CHST15: variants seen among roughly 807,000 people sequenced by gnomAD.
CHST15 encodes the protein carbohydrate sulfotransferase 15, also known as B cell RAG associated protein (GALNAC4S-6ST).
CHST15 carries 30 observed loss-of-function variants against 53.6 expected under a neutral mutation model. That is an observed-to-expected ratio of 0.56 (90% confidence interval 0.42 to 0.76). The LOEUF (loss-of-function observed/expected upper bound fraction) is 0.76, where lower values mean the gene tolerates loss of function less well. Ranked by LOEUF, CHST15 falls within the 30% of genes least tolerant of loss-of-function variation. The probability of loss-of-function intolerance (pLI) is 0.00; values close to 1 mark genes in which losing one functional copy is unlikely to be tolerated. For synonymous variants in CHST15, 296 were observed against 289.8 expected (o/e 1.02, Z -0.22); for missense variants, 627 against 740.5 (o/e 0.85, Z 1.78).
chr10:124,088,168 G>A (rs1949492050), intron 1 of CHST15, among the ~76,000 whole-genome samples: 1 of 152,208 alleles, frequency 6.6e-6, no homozygotes, highest in African/African-American at 2.4e-5. Flanking sequence ...TATTAACTCT[G>A]AAAAGACACC....
chr10:124,063,241 G>A (rs915582721), intron 1 of CHST15, among the ~76,000 whole-genome samples: 37 of 152,066 alleles, frequency 2.4e-4, no homozygotes, highest in African/African-American at 8.9e-4. Flanking sequence ...AAATTAGCCG[G>A]GCGTGGTGGC....
intron 7 of CHST15, chr10:124,010,601 G>A: frequency 2.0e-6 from 2 of 985,428 alleles, no homozygotes; most frequent in Non-Finnish European, 2.4e-6. Context: ...ATTTAATGAT[G>A]ATACAGCGTC....
chr10:124,042,180 A>C, intron 4 of CHST15, 121 bp downstream of exon 4: 1 of 977,364 alleles, frequency 1.0e-6, no homozygotes, highest in Non-Finnish European at 1.5e-6. Context: ...GGAGGCTCAA[A>C]AGAAGTTTGC....
intron 1 of CHST15, among the ~76,000 whole-genome samples, chr10:124,071,970 C>T (rs909952095): frequency 3.3e-5 from 5 of 152,172 alleles, no homozygotes; most frequent in Admixed American, 2.0e-4. Flanking sequence ...TCAGGCCAGG[C>T]GCTCCTGGAG....
chr10:124,008,488 G>A lies in CHST15; in HGVS notation c.*1661C>T. 1 of 994,026 alleles carries A rather than the reference G, an allele frequency of 1.0e-6. No homozygotes were observed. Among genetic ancestry groups the A allele is most frequent in the African/African-American group, 1.7e-5 (1 of 57,546 alleles). The allele number at this position is 994,026 out of a possible 1,614,324, so 61.6% of individuals were successfully genotyped here. On this transcript the variant is annotated 3_prime_UTR_variant, in exon 8 of 8. Transcript: ENST00000435907. ...GCCGGCTATAGAGAAGGTGGGGACT[G>A]TCCCTGCAAGTGGGAGTTCAGGACA... is the stretch of plus-strand genomic sequence containing the variant.
At chr10:124,030,006 C>T (rs1374834154) in intron 5 of CHST15, among the ~76,000 whole-genome samples, 2 of 152,242 alleles carry the variant, frequency 1.3e-5, no homozygotes, top group African/African-American at 2.4e-5. Context: ...ACCGTCCTTT[C>T]CAAACAATCA....
At chr10:124,058,495 A>G (rs1303082648) in intron 1 of CHST15, among the ~76,000 whole-genome samples, 2 of 152,078 alleles carry the variant, frequency 1.3e-5, no homozygotes, top group East Asian at 3.9e-4. Context: ...CCAAAATCCA[A>G]CCGCTGGTCT....
At chr10:124,056,069 G>A (rs912885806) in intron 1 of CHST15, among the ~76,000 whole-genome samples, 7 of 152,312 alleles carry the variant, frequency 4.6e-5, no homozygotes, top group African/African-American at 1.7e-4. Context: ...CCAAGGACAT[G>A]CAGCCCATTA....
intron 1 of CHST15, among the ~76,000 whole-genome samples, chr10:124,082,102 A>G (rs1010431784): frequency 1.3e-5 from 2 of 152,182 alleles, no homozygotes; most frequent in Non-Finnish European, 2.9e-5. Context: ...CATTGGATGG[A>G]CAGACAGATG....
chr10:124,025,061 G>A (rs1459617664), intron 5 of CHST15, among the ~76,000 whole-genome samples: 1 of 152,198 alleles, frequency 6.6e-6, no homozygotes, highest in Admixed American at 6.5e-5. Context: ...ACTGGCTGAA[G>A]GTTTCCATAC....
chr10:124,014,420 A>G (rs1294885291), intron 6 of CHST15, among the ~76,000 whole-genome samples: 1 of 152,256 alleles, frequency 6.6e-6, no homozygotes, highest in Non-Finnish European at 1.5e-5. Flanking sequence ...ATTAGAGTGG[A>G]TAAGTTGCCT....
At chr10:124,048,815 T>G (rs942001243) in intron 1 of CHST15, among the ~76,000 whole-genome samples, 1 of 152,168 alleles carries the variant, frequency 6.6e-6, no homozygotes, top group Non-Finnish European at 1.5e-5. Context: ...AGCTCCAAGA[T>G]AGGAATGTAC....
intron 5 of CHST15, among the ~76,000 whole-genome samples, chr10:124,035,240 AT>A (rs1193316411): frequency 2.4e-5 from 3 of 122,488 alleles, no homozygotes; most frequent in Non-Finnish European, 3.4e-5. Context: ...CCCTGGCTTC[AT>A]CCCCTAACAG....
intron 5 of CHST15, among the ~76,000 whole-genome samples, chr10:124,028,073 T>A (rs759160652): frequency 2.6e-5 from 4 of 152,202 alleles, no homozygotes; most frequent in Admixed American, 6.5e-5. Flanking sequence ...CAATTACAAA[T>A]GTAATAGAGT....
rs1170799618 is a variant in CHST15, at chr10:124,009,188, A to AACCT, written c.*957_*960dup. 2.7e-5 allele frequency: 32 copies of AACCT among 1,170,368 alleles called. No individual in the cohort carries two copies. Among genetic ancestry groups the AACCT allele is most frequent in the Non-Finnish European group, 3.4e-5 (31 of 925,240 alleles). The allele number at this position is 1,170,368 out of a possible 1,614,324, so 72.5% of individuals were successfully genotyped here. A position where few individuals can be genotyped will look rare whatever the true frequency, so the allele number is the denominator to read the frequency against. On this transcript the variant is annotated 3_prime_UTR_variant, in exon 8 of 8. Transcript: ENST00000435907. ...CCTCTGTTTCTCTGATGATCTTGTA[A>AACCT]ACCTGATGAGGGCTTGAATTACCTA...
chr10:124,061,606 C>T (rs143452859), intron 1 of CHST15, among the ~76,000 whole-genome samples: 372 of 152,370 alleles, frequency 2.4e-3, no homozygotes, highest in African/African-American at 8.6e-3. Flanking sequence ...TCTGTTTACA[C>T]ATTCCATCTT....
intron 7 of CHST15, chr10:124,010,604 A>G (rs113497993): frequency 1.0e-6 from 1 of 985,258 alleles, no homozygotes; most frequent in African/African-American, 1.7e-5. Flanking sequence ...TAATGATGAT[A>G]CAGCGTCTAA....
Position 124,045,989 on chromosome 10 carries a change from T to C in CHST15, c.224A>G (p.Lys75Arg), listed in dbSNP as rs199919262. The C allele has an allele frequency of 6.8e-5, 109 of 1,614,150 alleles. No homozygotes were observed. The highest frequency in any genetic ancestry group is 3.1e-4 in the African/African-American group (23 of 75,006). Residue 75 changes from lysine (K) to arginine (R), a missense_variant, in exon 2 of 8, where the codon AAA becomes AGA. Coordinates refer to ENST00000435907, the MANE Select transcript of CHST15 (RefSeq NM_001270764.2). Reference sequence around the variant, plus strand: ...AACGAGGCTACATCGCTTCCCCTTTTTGAAGCGCAAAAACCCACCCCAGTT... The same window carrying C: ...AACGAGGCTACATCGCTTCCCCTTTCTGAAGCGCAAAAACCCACCCCAGTT... ...NENWGGFLRF[K>R]KGKRCSLVFG...
At chr10:124,089,976 C>T (rs1949557990) in intron 1 of CHST15, among the ~76,000 whole-genome samples, 1 of 152,188 alleles carries the variant, frequency 6.6e-6, no homozygotes, top group Admixed American at 6.5e-5. Flanking sequence ...TGAATGAACA[C>T]ATGGCACACG....
Sources: allele counts gnomAD v4.1 joint callset (sites outside exome capture counted in the v4.1 genomes callset), GRCh38; gene constraint gnomAD v4.1.1; transcripts MANE v1.5; gene names NCBI Gene and HGNC (gene_info 2026-07-23, HGNC 2026-07-21).